Variants in ATXN1 observed in about 807,000 individuals in gnomAD.
The protein encoded by ATXN1 is ataxin-1.
A neutral mutation model predicts 56.4 loss-of-function variants in ATXN1; 8 were observed. That is an observed-to-expected ratio of 0.14 (90% CI 0.08 to 0.26). ATXN1 has a LOEUF of 0.26. ATXN1 is among the 10% of genes least tolerant of loss of function. The pLI is 1.00. For missense variants in ATXN1, 987 were observed against 1,106.5 expected, an observed-to-expected ratio of 0.89 and a Z score of 1.53; for synonymous variants, 514 against 494.6, an observed-to-expected ratio of 1.04 and a Z score of -0.52.
chr6:16,482,609 T>C (rs1760461635), intron 6 of ATXN1, among the ~76,000 whole-genome samples: 1 of 152,194 alleles, frequency 6.6e-6, no homozygotes, highest in South Asian at 2.1e-4. Flanking sequence ...GAGGTGGTTT[T>C]AGAAAACTCA....
chr6:16,593,716 T>C (rs898551868), intron 3 of ATXN1, among the ~76,000 whole-genome samples: 4 of 152,112 alleles, frequency 2.6e-5, no homozygotes. Context: ...CTAGTTTTTT[T>C]CACACAATAT....
chr6:16,737,171 T>C (rs1217560247), intron 2 of ATXN1: 2 of 152,228 alleles, frequency 1.3e-5, no homozygotes, highest in African/African-American at 2.4e-5. Flanking sequence ...CAGATGGAAG[T>C]ACAGACGTTT....
At chr6:16,468,575 GA>G (rs1315395533) in intron 6 of ATXN1, among the ~76,000 whole-genome samples, 2 of 152,172 alleles carry the variant, frequency 1.3e-5, no homozygotes, top group African/African-American at 2.4e-5. Context: ...TGGGATGAAT[GA>G]ACAGTCACTG....
intron 6 of ATXN1, among the ~76,000 whole-genome samples, chr6:16,345,167 A>C (rs90671): frequency 0.29 from 44,192 of 152,112 alleles, 7,904 homozygotes; most frequent in Non-Finnish European, 0.4. Context: ...TTACGGAGGG[A>C]CATAAAATAA....
At chr6:16,409,979 C>A (rs1451709982) in intron 6 of ATXN1, among the ~76,000 whole-genome samples, 6 of 152,172 alleles carry the variant, frequency 3.9e-5, no homozygotes, top group Admixed American at 3.9e-4. Context: ...TGAAAATTAA[C>A]CCTTCAAGAC....
chr6:16,371,311 C>T (rs899644985), intron 6 of ATXN1, among the ~76,000 whole-genome samples: 2 of 144,654 alleles, frequency 1.4e-5, no homozygotes, highest in Non-Finnish European at 3.0e-5. Flanking sequence ...TATGTAGTTA[C>T]AATTTTTTTT....
chr6:16,428,264 G>A lies in ATXN1; in HGVS notation c.-161+57708C>T, dbSNP rs140090971. ...CTCTGGAGTAGTAGGGATTACAGGC[G>A]CTCACCACCATGCCCAGCACATTTT... On this transcript the variant is annotated intron_variant, in intron 6 of 7. Transcript: ENST00000436367. 9.9e-5 allele frequency among the ~76,000 whole-genome samples: 15 copies of A among 151,922 alleles called. No homozygotes were observed. The East Asian group carries it at 2.7e-3, about 28-fold the overall frequency.
intron 2 of ATXN1, among the ~76,000 whole-genome samples, chr6:16,747,026 T>C (rs925716585): frequency 9.2e-5 from 14 of 152,158 alleles, no homozygotes; most frequent in Admixed American, 8.5e-4. Context: ...GCCTCCAAAC[T>C]ACCAGTCCAA....
chr6:16,451,446 C>G (rs1759750149), intron 6 of ATXN1, among the ~76,000 whole-genome samples: 1 of 152,100 alleles, frequency 6.6e-6, no homozygotes, highest in South Asian at 2.1e-4. Context: ...GCCTGGGCGA[C>G]AGAGCGAGAC....
At chr6:16,726,722 G>A (rs978296945) in intron 2 of ATXN1, among the ~76,000 whole-genome samples, 1 of 151,984 alleles carries the variant, frequency 6.6e-6, no homozygotes, top group Non-Finnish European at 1.5e-5. Context: ...AAAAACAGCT[G>A]GGTGCCTGTA....
chr6:16,424,861 G>T (rs1456203913), intron 6 of ATXN1, among the ~76,000 whole-genome samples: 1 of 152,206 alleles, frequency 6.6e-6, no homozygotes, highest in Non-Finnish European at 1.5e-5. Flanking sequence ...GCTCCAGCCT[G>T]CCTGAGCTGG....
At chr6:16,314,610 G>GTTA (rs1048581930) in intron 7 of ATXN1, among the ~76,000 whole-genome samples, 2 of 151,740 alleles carry the variant, frequency 1.3e-5, no homozygotes, top group African/African-American at 4.8e-5. Flanking sequence ...TCAAAATATT[G>GTTA]TTATTATTAT....
chr6:16,431,843 A>G (rs961074354), intron 6 of ATXN1, among the ~76,000 whole-genome samples: 1 of 152,224 alleles, frequency 6.6e-6, no homozygotes, highest in African/African-American at 2.4e-5. Flanking sequence ...TTAAATAAAT[A>G]TACAACTTGG....
chr6:16,508,237 C>T (rs1761016529), intron 5 of ATXN1, among the ~76,000 whole-genome samples: 1 of 151,884 alleles, frequency 6.6e-6, no homozygotes, highest in African/African-American at 2.4e-5. Context: ...TAGTTCAAAA[C>T]GTGAGGAAGA....
chr6:16,345,523 A>C lies in ATXN1; in HGVS notation c.-160-17053T>G, dbSNP rs528278110. On this transcript the variant is annotated intron_variant, in intron 6 of 7. Transcript: ENST00000436367. ...TCAGCTGTACACATCGGCCAAGATA[A>C]GAATTCTCTCTGCAATAAATGTTTG... Among the ~76,000 whole-genome samples the C allele has an allele frequency of 3.3e-5, 5 of 152,326 alleles. No homozygotes were observed. In the East Asian group the frequency reaches 5.8e-4, roughly 18 times the overall value.
At chr6:16,490,672 C>A (rs1401996563) in intron 5 of ATXN1, among the ~76,000 whole-genome samples, 1 of 152,158 alleles carries the variant, frequency 6.6e-6, no homozygotes, top group Non-Finnish European at 1.5e-5. Flanking sequence ...AGTAGACTAG[C>A]ATTTTTGCCT....
In ATXN1 at chr6:16,518,835, A is replaced by G. The variant is rs551232580; in HGVS notation, c.-299+3792T>C. On this transcript the variant is annotated intron_variant, in intron 5 of 7. Coordinates refer to ENST00000436367, the MANE Select transcript of ATXN1 (RefSeq NM_001128164.2). ...GAATATTGGGAGTGAGGTGGGAAAA[A>G]GGATGATTTTGGTGCCAGTATAAAA... Among the ~76,000 whole-genome samples, 37 of 152,320 alleles carry G rather than the reference A, an allele frequency of 2.4e-4. 1 individual carries two copies. In the South Asian group the frequency reaches 7.3e-3, roughly 30 times the overall value.
intron 6 of ATXN1, among the ~76,000 whole-genome samples, chr6:16,437,839 A>C (rs571810380): frequency 3.3e-5 from 5 of 152,320 alleles, no homozygotes; most frequent in Admixed American, 3.3e-4. Flanking sequence ...GTGTAAGGAG[A>C]GCTTCCTGTA....
chr6:16,733,964 A>G (rs572246450), intron 2 of ATXN1, among the ~76,000 whole-genome samples: 15 of 152,054 alleles, frequency 9.9e-5, no homozygotes, highest in Non-Finnish European at 1.9e-4. Flanking sequence ...CCTGGCCAAC[A>G]TGGTGAAACC....
Sources: gnomAD v4.1 joint callset for allele counts (sites outside exome capture counted in the v4.1 genomes callset) on GRCh38, gnomAD v4.1.1 for gene constraint, MANE v1.5 for transcripts, NCBI Gene and HGNC (gene_info 2026-07-23, HGNC 2026-07-21) for gene names.